CABLES1: variants seen among roughly 807,000 people sequenced by gnomAD.
CABLES1 encodes Cdk5 and Abl enzyme substrate 1, also known as CDK5 and ABL1 enzyme substrate 1.
In CABLES1, 36 loss-of-function variants were observed where a neutral mutation model predicts 57.8. The observed-to-expected ratio is 0.62, with a 90% CI of 0.48 to 0.82. The LOEUF (loss-of-function observed/expected upper bound fraction) is 0.82. Among genes scored for constraint, CABLES1 ranks in the 40% least tolerant of loss-of-function variants. CABLES1 has a pLI of 0.00. For synonymous variants in CABLES1, 374 were observed against 363.0 expected, an observed-to-expected ratio of 1.03 and a Z score of -0.35; for missense variants, 767 against 836.6, an observed-to-expected ratio of 0.92 and a Z score of 1.03.
intron 1 of CABLES1, among the ~76,000 whole-genome samples, chr18:23,162,824 A>T (rs2047014279): frequency 6.6e-6 from 1 of 152,180 alleles, no homozygotes; most frequent in African/African-American, 2.4e-5. Context: ...AGTGTGGCCG[A>T]GGAGTATAAG....
In CABLES1 at chr18:23,237,220, G is replaced by A. The variant is rs770265368; in HGVS notation, c.1421G>A (p.Arg474His). Residue 474 changes from arginine (R) to histidine (H), a missense_variant, in exon 7 of 10, where the codon CGC (arginine) becomes CAC (histidine). By Grantham distance (29) the Arg-to-His change is conservative. Coordinates refer to ENST00000256925, the MANE Select transcript of CABLES1 (RefSeq NM_001100619.3). ...CAGTGGCCTTGTGGCAAACACAAAC[G>A]CGTTCTGATCTTCCCTTCCTACATG... ...DPQWPCGKHK[R>H]VLIFPSYMTT... 1.1e-5 allele frequency: 17 copies of A among 1,612,574 alleles called. No individual in the cohort carries two copies. The highest frequency in any genetic ancestry group is 6.7e-5 in the East Asian group (3 of 44,898).
intron 4 of CABLES1, among the ~76,000 whole-genome samples, chr18:23,230,978 G>A (rs1598842631): frequency 6.6e-6 from 1 of 152,248 alleles, no homozygotes; most frequent in East Asian, 1.9e-4. Flanking sequence ...CTGTTCTTGG[G>A]GTGCTGATGG....
rs183461479 is a variant in CABLES1, at chr18:23,160,655, G to C, written c.845+24048G>C. On this transcript the variant is annotated intron_variant, in intron 1 of 9. Transcript: ENST00000256925. ...ACTTTGCAGGAGTCCACATGTTCTG[G>C]TCTTTATTGTGAGACTCCCCTGTGT... Among the ~76,000 whole-genome samples, 342 of 152,284 alleles carry C rather than the reference G, an allele frequency of 2.2e-3. 1 individual carries two copies. Among genetic ancestry groups the C allele is most frequent in the South Asian group, 3.1e-3 (15 of 4,820 alleles).
At chr18:23,196,180 C>G (rs569367681) in intron 3 of CABLES1, among the ~76,000 whole-genome samples, 1 of 152,350 alleles carries the variant, frequency 6.6e-6, no homozygotes, top group East Asian at 1.9e-4. Flanking sequence ...AACAGCAAAG[C>G]CCGCAATTGC....
intron 4 of CABLES1, among the ~76,000 whole-genome samples, chr18:23,218,330 GCATCCTCACTTGCCCTGC>G (rs2047458337): frequency 5.9e-5 from 6 of 101,580 alleles, no homozygotes; most frequent in Middle Eastern, 6.8e-3. Flanking sequence ...CCTGCCTCCC[GCATCCTCACTTGCCCTGC>G]CTCCCGCATC....
chr18:23,206,190 C>T (rs1305543183), intron 3 of CABLES1, among the ~76,000 whole-genome samples: 1 of 152,200 alleles, frequency 6.6e-6, no homozygotes, highest in Non-Finnish European at 1.5e-5. Flanking sequence ...ACCCTCCTCG[C>T]TCCTCATCCC....
At chr18:23,250,300 A>T (rs2048005892) in intron 7 of CABLES1, among the ~76,000 whole-genome samples, 1 of 151,652 alleles carries the variant, frequency 6.6e-6, no homozygotes, top group Admixed American at 6.6e-5. Flanking sequence ...GTAGAGGAAG[A>T]GTAGAAGCGG....
chr18:23,158,139 C>A (rs1400817438), intron 1 of CABLES1, among the ~76,000 whole-genome samples: 88 of 117,298 alleles, frequency 7.5e-4, no homozygotes, highest in South Asian at 3.2e-3. Flanking sequence ...AAAAAAAAAA[C>A]AAACCCACAA....
At chr18:23,152,486 A>ATT (rs67308509) in intron 1 of CABLES1, among the ~76,000 whole-genome samples, 3,049 of 134,794 alleles carry the variant, frequency 0.023, 82 homozygotes, top group Non-Finnish European at 0.032. Context: ...GTTTGGTCTA[A>ATT]TTTTTTTTTT....
chr18:23,223,551 C>G (rs1780928811), intron 4 of CABLES1, among the ~76,000 whole-genome samples: 1 of 148,518 alleles, frequency 6.7e-6, no homozygotes, highest in Admixed American at 6.8e-5. Context: ...GCATTCCAGC[C>G]TGGGCAACAG....
intron 3 of CABLES1, among the ~76,000 whole-genome samples, chr18:23,203,268 G>A (rs2047339167): frequency 2.0e-5 from 3 of 152,104 alleles, no homozygotes; most frequent in Admixed American, 6.5e-5. Flanking sequence ...TGGAAGTGCC[G>A]CCTCCTGGGT....
intron 7 of CABLES1, among the ~76,000 whole-genome samples, chr18:23,247,181 C>G (rs918361287): frequency 6.6e-6 from 1 of 152,246 alleles, no homozygotes; most frequent in South Asian, 2.1e-4. Flanking sequence ...CATCTCTTGG[C>G]ATGGTTGGGA....
chr18:23,218,134 G>A (rs917399500), intron 4 of CABLES1, among the ~76,000 whole-genome samples: 2 of 152,192 alleles, frequency 1.3e-5, no homozygotes, highest in Admixed American at 6.5e-5. Flanking sequence ...CAGGAATCTC[G>A]TAGTTCGTCT....
intron 4 of CABLES1, chr18:23,214,796 G>A (rs1318260972): frequency 6.6e-6 from 1 of 152,216 alleles, no homozygotes; most frequent in African/African-American, 2.4e-5. Flanking sequence ...TCTGGTCATT[G>A]TGCCAGCCAC....
intron 3 of CABLES1, among the ~76,000 whole-genome samples, chr18:23,211,141 A>G (rs570468412): frequency 6.6e-6 from 1 of 152,020 alleles, no homozygotes; most frequent in Non-Finnish European, 1.5e-5. Flanking sequence ...TGGTTGAAAG[A>G]TGGGAAAGAA....
chr18:23,154,091 T>C (rs941521084), intron 1 of CABLES1, among the ~76,000 whole-genome samples: 8 of 152,006 alleles, frequency 5.3e-5, no homozygotes, highest in African/African-American at 1.9e-4. Context: ...TGAACACATA[T>C]AGTCTTCTAA....
intron 1 of CABLES1, among the ~76,000 whole-genome samples, chr18:23,173,284 C>T (rs1460989302): frequency 2.6e-5 from 4 of 152,188 alleles, no homozygotes; most frequent in Non-Finnish European, 5.9e-5. Flanking sequence ...CTGCCTGCTG[C>T]GCACAGACAC....
chr18:23,151,403 C>T (rs970509683), intron 1 of CABLES1, among the ~76,000 whole-genome samples: 1 of 152,156 alleles, frequency 6.6e-6, no homozygotes, highest in Admixed American at 6.5e-5. Context: ...CAGCCTCTTG[C>T]CTTTAGGCGA....
Position 23,135,975 on chromosome 18 carries a change from C to A in CABLES1, c.213C>A (p.Asn71Lys). 8.8e-7 allele frequency: 1 copy of A among 1,140,248 alleles called. No homozygotes were observed. Among genetic ancestry groups the A allele is most frequent in the South Asian group, 4.0e-5 (1 of 25,298 alleles). The allele number at this position is 1,140,248 out of a possible 1,614,324, so 70.6% of individuals were successfully genotyped here. ...AGGCTGCCCTCTCCTTCCTCACCAACATCTCGCTGGACGGCCGGCTGCCGC... is the reference window on the plus strand; with the variant it reads ...AGGCTGCCCTCTCCTTCCTCACCAAAATCTCGCTGGACGGCCGGCTGCCGC... ...RRQAALSFLTNISLDGRLPPQ... is the reference protein window; with the variant it reads ...RRQAALSFLTKISLDGRLPPQ... The change falls in exon 1 of 10, where the codon AAC becomes AAA. Residue 71 changes from asparagine to lysine, a missense_variant. Transcript: ENST00000256925.
Sources: allele counts gnomAD v4.1 joint callset (sites outside exome capture counted in the v4.1 genomes callset), GRCh38; gene constraint gnomAD v4.1.1; transcripts MANE v1.5; gene names NCBI Gene and HGNC (gene_info 2026-07-23, HGNC 2026-07-21).